FBXL17: variants seen among roughly 807,000 people sequenced by gnomAD.
FBXL17 encodes the protein F-box/LRR-repeat protein 17.
In FBXL17, 22 loss-of-function variants were observed where a neutral mutation model predicts 66.2. The ratio of observed to expected loss-of-function variants is 0.33; its 90% CI spans 0.24 to 0.47. FBXL17 has a LOEUF of 0.47. Among genes scored for constraint, FBXL17 ranks in the 20% least tolerant of loss-of-function variants. The pLI is 1.00. For missense variants in FBXL17, 878 were observed against 948.2 expected (o/e 0.93, Z 0.97); for synonymous variants, 474 against 400.5 (o/e 1.18, Z -2.19).
intron 6 of FBXL17, among the ~76,000 whole-genome samples, chr5:108,133,863 G>A (rs1228384575): frequency 2.0e-5 from 3 of 152,056 alleles, no homozygotes; most frequent in Admixed American, 6.6e-5. Context: ...GTTGGCACAC[G>A]TAAAACATTC....
At chr5:108,337,041 A>ATGT (rs1274146837) in intron 4 of FBXL17, among the ~76,000 whole-genome samples, 1 of 152,046 alleles carries the variant, frequency 6.6e-6, no homozygotes, top group African/African-American at 2.4e-5. Flanking sequence ...GTGGATCACA[A>ATGT]GGTCAAGAGA....
chr5:108,282,351 G>C (rs1343570327), intron 4 of FBXL17, among the ~76,000 whole-genome samples: 1 of 151,818 alleles, frequency 6.6e-6, no homozygotes, highest in Non-Finnish European at 1.5e-5. Context: ...GGTATGCAAG[G>C]ATGGTTCAAC....
At chr5:107,907,957 A>G (rs1460117018) in intron 7 of FBXL17, among the ~76,000 whole-genome samples, 1 of 152,226 alleles carries the variant, frequency 6.6e-6, no homozygotes, top group African/African-American at 2.4e-5. Context: ...ATATACCCAA[A>G]GGACTATAAA....
At chr5:108,330,870 T>G (rs1390062260) in intron 4 of FBXL17, among the ~76,000 whole-genome samples, 1 of 152,050 alleles carries the variant, frequency 6.6e-6, no homozygotes, top group Non-Finnish European at 1.5e-5. Flanking sequence ...TATATCCTGA[T>G]GAAACCTCGT....
chr5:107,930,909 C>T (rs1176848947), intron 7 of FBXL17, among the ~76,000 whole-genome samples: 4 of 152,148 alleles, frequency 2.6e-5, no homozygotes, highest in Admixed American at 1.3e-4. Context: ...CCTACTTTGA[C>T]ATTTTCTATT....
intron 7 of FBXL17, among the ~76,000 whole-genome samples, chr5:107,984,824 C>T (rs986112412): frequency 1.3e-5 from 2 of 152,126 alleles, no homozygotes; most frequent in East Asian, 1.9e-4. Flanking sequence ...AGCTATCATT[C>T]ATTTTGGCAC....
intron 6 of FBXL17, among the ~76,000 whole-genome samples, chr5:108,133,086 A>G (rs1296181342): frequency 1.3e-5 from 2 of 152,226 alleles, no homozygotes; most frequent in Non-Finnish European, 2.9e-5. Flanking sequence ...TGAAGATTCT[A>G]GAGGAACACG....
intron 5 of FBXL17, among the ~76,000 whole-genome samples, chr5:108,198,875 G>T (rs13162374): frequency 0.11 from 16,889 of 152,100 alleles, 1,202 homozygotes; most frequent in South Asian, 0.31. Context: ...TAATCAGAAA[G>T]ATCTCTCTAA....
chr5:107,889,156 T>C lies in FBXL17; in HGVS notation c.1823-7977A>G, dbSNP rs576800500. 3.3e-5 allele frequency among the ~76,000 whole-genome samples: 5 copies of C among 152,328 alleles called. No homozygotes were observed. In the East Asian group the frequency reaches 9.6e-4, roughly 29 times the overall value. ...AATTTCTAGCAGAGTGCCTCTACCC[T>C]TGTAATACTTAGTAGATATCTATTA... On this transcript the variant is annotated intron_variant, in intron 7 of 8. Transcript: ENST00000542267.
Position 108,348,476 on chromosome 5 carries a change from T to C in FBXL17, c.1429A>G (p.Ile477Val), listed in dbSNP as rs759326771. 6 of 1,613,664 alleles carry C rather than the reference T, an allele frequency of 3.7e-6. No homozygotes were observed. The highest frequency in any genetic ancestry group is 3.3e-5 in the Admixed American group (2 of 60,004). ...KDIHFGQCYK[I>V]SDEGMIVIAK... ...ATGACGATCATGCCTTCATCTGAGA[T>C]CTTGTAACACTGGCCGAAATGAATA... is the stretch of plus-strand genomic sequence containing the variant. Residue 477 changes from isoleucine (I) to valine (V), a missense_variant, in exon 4 of 9, where the codon ATC (isoleucine) becomes GTC (valine). Ile to Val is a conservative substitution (Grantham distance 29, BLOSUM62 3). Transcript: ENST00000542267.
chr5:108,286,869 T>C (rs981325525), intron 4 of FBXL17, among the ~76,000 whole-genome samples: 8 of 151,850 alleles, frequency 5.3e-5, no homozygotes, highest in African/African-American at 1.9e-4. Context: ...GGCACCATGT[T>C]CCCTGACTTT....
chr5:108,184,369 T>G (rs1580573773), intron 6 of FBXL17, among the ~76,000 whole-genome samples: 2 of 150,974 alleles, frequency 1.3e-5, no homozygotes, highest in Middle Eastern at 3.4e-3. Flanking sequence ...TGTAGTGGTG[T>G]GATCTCGGCT....
chr5:108,253,680 A>C (rs1477415744), intron 4 of FBXL17, among the ~76,000 whole-genome samples: 1 of 152,156 alleles, frequency 6.6e-6, no homozygotes, highest in Non-Finnish European at 1.5e-5. Context: ...AAGTACGCAA[A>C]TATAGCAAAT....
At chr5:108,224,260 GGTAATA>G (rs1257778568) in intron 4 of FBXL17, 32 bp from the exon 5 acceptor site, 2 of 1,321,982 alleles carry the variant, frequency 1.5e-6, no homozygotes, top group Non-Finnish European at 2.2e-6. Context: ...AATTATTCAA[GGTAATA>G]GTCCAGTGAA....
chr5:108,207,441 C>A (rs930240558), intron 5 of FBXL17, among the ~76,000 whole-genome samples: 1 of 152,034 alleles, frequency 6.6e-6, no homozygotes, highest in Non-Finnish European at 1.5e-5. Context: ...CAACCCATCA[C>A]CTACATTAGG....
chr5:107,945,323 T>G (rs1751248254), intron 7 of FBXL17, among the ~76,000 whole-genome samples: 1 of 152,088 alleles, frequency 6.6e-6, no homozygotes, highest in Admixed American at 6.6e-5. Context: ...GAGTATAAAT[T>G]AGCACAACTT....
intron 7 of FBXL17, among the ~76,000 whole-genome samples, chr5:108,015,530 G>C (rs1304913731): frequency 6.6e-6 from 1 of 152,024 alleles, no homozygotes; most frequent in African/African-American, 2.4e-5. Context: ...TAAAATGGGA[G>C]ATCATTACAT....
At chr5:108,330,786 A>G (rs1760085990) in intron 4 of FBXL17, among the ~76,000 whole-genome samples, 1 of 152,126 alleles carries the variant, frequency 6.6e-6, no homozygotes, top group Non-Finnish European at 1.5e-5. Flanking sequence ...GTGCACACAC[A>G]TACATATGCC....
chr5:107,984,672 C>A (rs1387064134), intron 7 of FBXL17, among the ~76,000 whole-genome samples: 1 of 152,152 alleles, frequency 6.6e-6, no homozygotes, highest in African/African-American at 2.4e-5. Flanking sequence ...GCTATCATGC[C>A]ATCTAAATTC....
Sources: gnomAD v4.1 joint callset for allele counts (sites outside exome capture counted in the v4.1 genomes callset) on GRCh38, gnomAD v4.1.1 for gene constraint, MANE v1.5 for transcripts, NCBI Gene and HGNC (gene_info 2026-07-23, HGNC 2026-07-21) for gene names.